RIMKLB: variants seen among roughly 807,000 people sequenced by gnomAD.
The protein encoded by RIMKLB is beta-citrylglutamate synthase B.
Under a neutral mutation model 32.0 loss-of-function variants are expected in RIMKLB, and 7 were observed. The observed-to-expected ratio is 0.22, with a 90% CI of 0.12 to 0.41. The LOEUF (loss-of-function observed/expected upper bound fraction) is 0.41. Ranked by LOEUF, RIMKLB falls within the 10% of genes least tolerant of loss-of-function variation. The pLI is 1.00. For synonymous variants in RIMKLB, 172 were observed against 185.1 expected (o/e 0.93, Z 0.57); for missense variants, 289 against 498.7 (o/e 0.58, Z 4.00).
Position 8,775,680 on chromosome 12 carries a change from A to C in RIMKLB, c.*1896A>C. 1.0e-6 allele frequency: 1 copy of C among 985,514 alleles called. No individual in the cohort carries two copies. 61.0% of individuals were successfully genotyped at this position (985,514 alleles called of 1,614,324 possible). A position where few individuals can be genotyped will look rare whatever the true frequency, so the allele number is the denominator to read the frequency against. Reference sequence around the variant, plus strand: ...TTTCCCCCGTTTTAAAAAGGAATGTAATAAAATTTGTTTTTTCCATAGAAT... The same window carrying C: ...TTTCCCCCGTTTTAAAAAGGAATGTCATAAAATTTGTTTTTTCCATAGAAT... On this transcript the variant is annotated 3_prime_UTR_variant, in exon 6 of 6. Coordinates refer to ENST00000535829, the MANE Select transcript of RIMKLB (RefSeq NM_001297776.2).
chr12:8,745,378 T>C (rs748941460), intron 2 of RIMKLB, among the ~76,000 whole-genome samples: 15 of 151,992 alleles, frequency 9.9e-5, no homozygotes, highest in African/African-American at 3.1e-4. Flanking sequence ...TTTCTTTAGC[T>C]GTTCTCAGGC....
upstream of RIMKLB, among the ~76,000 whole-genome samples, chr12:8,680,260 G>A (rs1359549432): frequency 3.3e-5 from 5 of 152,206 alleles, no homozygotes; most frequent in African/African-American, 1.2e-4. Context: ...GGCTCACGCC[G>A]TTCTCCTGCC....
In RIMKLB at chr12:8,776,011, C is replaced by G. The variant is rs1950704372; in HGVS notation, c.*2227C>G. 3 of 984,244 alleles carry G rather than the reference C, an allele frequency of 3.0e-6. No homozygotes were observed. Among genetic ancestry groups the G allele is most frequent in the East Asian group, 2.3e-4 (2 of 8,812 alleles). 61.0% of individuals were successfully genotyped at this position (984,244 alleles called of 1,614,324 possible). The stretch of plus-strand genomic sequence containing the variant: ...AGAGAAATAAATGAGGAAGAAAGAA[C>G]TGCTTAATTAAATTATCATTCATAT... On this transcript the variant is annotated 3_prime_UTR_variant, in exon 6 of 6. Transcript: ENST00000535829.
chr12:8,746,908 T>A (rs753720296), intron 2 of RIMKLB, among the ~76,000 whole-genome samples: 7 of 152,134 alleles, frequency 4.6e-5, no homozygotes, highest in Non-Finnish European at 1.0e-4. Context: ...ACCTGGCTAA[T>A]TTTTTAAGTT....
chr12:8,763,301 G>T (rs1364203459), intron 5 of RIMKLB, among the ~76,000 whole-genome samples: 1 of 152,186 alleles, frequency 6.6e-6, no homozygotes, highest in Non-Finnish European at 1.5e-5. Context: ...TACATGTAAA[G>T]AAAAGTCTTG....
Position 8,774,919 on chromosome 12 carries a change from T to C in RIMKLB, c.*1135T>C, listed in dbSNP as rs1950638667. On this transcript the variant is annotated 3_prime_UTR_variant, in exon 6 of 6. Transcript: ENST00000535829. ...ATGCATGTGTATGTGTTTTGCTTTT[T>C]GTTTCCATCAACTAATCAAAAAGGA... is the stretch of plus-strand genomic sequence containing the variant. 1.0e-6 allele frequency: 1 copy of C among 985,708 alleles called. No homozygotes were observed. Among genetic ancestry groups the C allele is most frequent in the Admixed American group, 6.1e-5 (1 of 16,266 alleles). The allele number at this position is 985,708 out of a possible 1,614,324, so 61.1% of individuals were successfully genotyped here.
At chr12:8,752,748 T>G (rs928046458) in intron 4 of RIMKLB, among the ~76,000 whole-genome samples, 7 of 131,206 alleles carry the variant, frequency 5.3e-5, no homozygotes, top group African/African-American at 2.0e-4. Context: ...TTGTTTTTTG[T>G]TTTTTTTTTG....
chr12:8,736,425 G>T (rs1358388875), intron 2 of RIMKLB, among the ~76,000 whole-genome samples: 1 of 151,566 alleles, frequency 6.6e-6, no homozygotes, highest in Non-Finnish European at 1.5e-5. Flanking sequence ...GTTAATATTT[G>T]GCCACATTTG....
intron 1 of RIMKLB, among the ~76,000 whole-genome samples, chr12:8,710,307 CTTTT>C (rs762963381): frequency 7.2e-5 from 9 of 125,578 alleles, no homozygotes; most frequent in Admixed American, 1.6e-4. Flanking sequence ...TTGTTTCCTT[CTTTT>C]TTTTTTTTTT....
At chr12:8,749,808 ATT>A in intron 2 of RIMKLB, 52 bp from the exon 3 acceptor site, 1 of 1,161,568 alleles carries the variant, frequency 8.6e-7, no homozygotes, top group South Asian at 1.4e-5. Context: ...CTATTCCTCT[ATT>A]TTGTTGTATA....
At chr12:8,752,520 C>T (rs115849438) in intron 4 of RIMKLB, among the ~76,000 whole-genome samples, 2 of 152,222 alleles carry the variant, frequency 1.3e-5, no homozygotes, top group African/African-American at 4.8e-5. Context: ...CCACTGCACT[C>T]CAACCTGGTC....
chr12:8,727,478 C>T (rs1359012428), intron 2 of RIMKLB, among the ~76,000 whole-genome samples: 1 of 152,190 alleles, frequency 6.6e-6, no homozygotes, highest in Non-Finnish European at 1.5e-5. Flanking sequence ...CTCAGGTAAT[C>T]CACCCGCCTC....
At chr12:8,781,009 A>G (rs1349630002), downstream of RIMKLB, among the ~76,000 whole-genome samples, 1 of 152,242 alleles carries the variant, frequency 6.6e-6, no homozygotes, top group East Asian at 1.9e-4. Context: ...TTAATTTGCA[A>G]GATAAATAAA....
intron 1 of RIMKLB, among the ~76,000 whole-genome samples, chr12:8,705,123 A>C (rs1943747246): frequency 6.6e-6 from 1 of 152,166 alleles, no homozygotes; most frequent in South Asian, 2.1e-4. Flanking sequence ...GAAGTGACAG[A>C]GGGCAGAAGA....
chr12:8,744,925 C>T (rs770547968), intron 2 of RIMKLB, among the ~76,000 whole-genome samples: 1 of 151,890 alleles, frequency 6.6e-6, no homozygotes, highest in South Asian at 2.1e-4. Context: ...ATACGTGTGC[C>T]ATGTTGGTTT....
At chr12:8,731,652 G>T (rs1443698314) in intron 2 of RIMKLB, among the ~76,000 whole-genome samples, 2 of 152,114 alleles carry the variant, frequency 1.3e-5, no homozygotes, top group Non-Finnish European at 2.9e-5. Context: ...ATTGTGGAGA[G>T]TCAGTTACTT....
Position 8,698,247 on chromosome 12 carries a change from C to T in RIMKLB, c.-107C>T. 1 of 373,466 alleles carries T rather than the reference C, an allele frequency of 2.7e-6. No homozygotes were observed. The highest frequency in any genetic ancestry group is 5.5e-6 in the Non-Finnish European group (1 of 183,324). The allele number at this position is 373,466 out of a possible 1,614,324, so 23.1% of individuals were successfully genotyped here. A position where few individuals can be genotyped will look rare whatever the true frequency, so the allele number is the denominator to read the frequency against. On this transcript the variant is annotated 5_prime_UTR_variant, in exon 1 of 6. Transcript: ENST00000535829. Reference sequence around the variant, plus strand: ...CCGGCGGCCCGCGCTTCCTCGAAGGCCCCAGCCCGGCTCAGTCGGCCGAGA... The same window carrying T: ...CCGGCGGCCCGCGCTTCCTCGAAGGTCCCAGCCCGGCTCAGTCGGCCGAGA...
At chr12:8,760,970 C>A (rs1301412400) in intron 5 of RIMKLB, among the ~76,000 whole-genome samples, 1 of 152,044 alleles carries the variant, frequency 6.6e-6, no homozygotes, top group Non-Finnish European at 1.5e-5. Context: ...GTTCACAGCT[C>A]AGTTTTATTT....
downstream of RIMKLB, chr12:8,777,457 C>A: frequency 9.1e-7 from 1 of 1,102,962 alleles, no homozygotes; most frequent in Non-Finnish European, 1.1e-6. Context: ...TTTGGGGTGG[C>A]TGCCTAACTC....
Sources: gnomAD v4.1 joint callset for allele counts (sites outside exome capture counted in the v4.1 genomes callset) on GRCh38, gnomAD v4.1.1 for gene constraint, MANE v1.5 for transcripts, NCBI Gene and HGNC (gene_info 2026-07-23, HGNC 2026-07-21) for gene names.